Variants in NUDCD3 observed in about 807,000 individuals in gnomAD.
NUDCD3 encodes NudC domain containing 3, also known as nudC domain-containing protein 3.
In NUDCD3, 13 loss-of-function variants were observed where a neutral mutation model predicts 39.7. That is an observed-to-expected ratio of 0.33 (90% CI 0.21 to 0.52). NUDCD3 has a LOEUF of 0.52. NUDCD3 is among the 20% of genes least tolerant of loss of function. The pLI is 0.96. For synonymous variants in NUDCD3, 175 were observed against 172.4 expected, an observed-to-expected ratio of 1.02 and a Z score of -0.12; for missense variants, 453 against 458.1, an observed-to-expected ratio of 0.99 and a Z score of 0.10.
intron 2 of NUDCD3, among the ~76,000 whole-genome samples, chr7:44,452,311 G>A (rs562048923): frequency 3.3e-5 from 5 of 152,362 alleles, no homozygotes; most frequent in South Asian, 2.1e-4. Context: ...GGATGGGGGC[G>A]CACGCCCCCA....
chr7:44,385,358 C>G lies in NUDCD3; in HGVS notation c.*653G>C, dbSNP rs1187287523. ...TCCCCGCTGCATCTGGACCTGAGCC[C>G]AGAACCTAGGCTTTCTCCGAACAAC... On this transcript the variant is annotated 3_prime_UTR_variant, in exon 6 of 6. Coordinates refer to ENST00000355451, the MANE Select transcript of NUDCD3 (RefSeq NM_015332.4). 1 of 152,350 alleles carries G rather than the reference C, an allele frequency of 6.6e-6. No individual in the cohort carries two copies. Among genetic ancestry groups the G allele is most frequent in the African/African-American group, 2.4e-5 (1 of 41,432 alleles). The allele number at this position is 152,350 out of a possible 1,614,324, so 9.4% of individuals were successfully genotyped here.
At chr7:44,420,633 A>G (rs1799119389) in intron 3 of NUDCD3, among the ~76,000 whole-genome samples, 1 of 152,246 alleles carries the variant, frequency 6.6e-6, no homozygotes, top group Admixed American at 6.5e-5. Flanking sequence ...GGAAGCCCAC[A>G]GACTAACAGC....
intron 1 of NUDCD3, among the ~76,000 whole-genome samples, chr7:44,487,132 T>C (rs577422729): frequency 6.6e-6 from 1 of 152,290 alleles, no homozygotes; most frequent in South Asian, 2.1e-4. Flanking sequence ...GGCTTGTCAG[T>C]CTAAACGATT....
chr7:44,483,509 A>G (rs983694030), intron 2 of NUDCD3, among the ~76,000 whole-genome samples: 1 of 151,772 alleles, frequency 6.6e-6, no homozygotes, highest in Non-Finnish European at 1.5e-5. Context: ...TCCACCCTAT[A>G]CTCCCCACTT....
intron 2 of NUDCD3, among the ~76,000 whole-genome samples, chr7:44,431,662 T>C (rs951900912): frequency 9.7e-5 from 14 of 143,782 alleles, no homozygotes; most frequent in Non-Finnish European, 1.5e-4. Context: ...AGGTCCTCTC[T>C]CCTTCCTTTT....
Position 44,415,243 on chromosome 7 carries a change from G to A in NUDCD3, c.643-10660C>T, listed in dbSNP as rs562229320. Among the ~76,000 whole-genome samples, 5 of 152,252 alleles carry A rather than the reference G, an allele frequency of 3.3e-5. No individual in the cohort carries two copies. In the South Asian group the frequency reaches 1.0e-3, roughly 32 times the overall value. On this transcript the variant is annotated intron_variant, in intron 3 of 5. Coordinates refer to ENST00000355451, the MANE Select transcript of NUDCD3 (RefSeq NM_015332.4). Reference sequence around the variant, plus strand: ...AATTCTGTGATTCAATGAAATGCCAGGTTTATAATCACCCAGGTCTGACAT... The same window carrying A: ...AATTCTGTGATTCAATGAAATGCCAAGTTTATAATCACCCAGGTCTGACAT...
At chr7:44,399,156 C>T (rs1285004088) in intron 4 of NUDCD3, among the ~76,000 whole-genome samples, 2 of 152,220 alleles carry the variant, frequency 1.3e-5, no homozygotes, top group African/African-American at 4.8e-5. Context: ...GCACCCTGTC[C>T]ATGGTGCCAC....
intron 2 of NUDCD3, among the ~76,000 whole-genome samples, chr7:44,451,497 A>G (rs1308767405): frequency 6.6e-6 from 1 of 152,202 alleles, no homozygotes; most frequent in East Asian, 1.9e-4. Flanking sequence ...TTTTATATGT[A>G]TTGTACTGCA....
intron 2 of NUDCD3, among the ~76,000 whole-genome samples, chr7:44,471,421 G>A (rs905586335): frequency 1.3e-5 from 2 of 152,114 alleles, no homozygotes; most frequent in African/African-American, 4.8e-5. Context: ...ATGTGGAACC[G>A]AAGGATACAG....
At chr7:44,434,408 G>C (rs936125529) in intron 2 of NUDCD3, among the ~76,000 whole-genome samples, 7 of 152,148 alleles carry the variant, frequency 4.6e-5, no homozygotes, top group African/African-American at 1.4e-4. Context: ...CAGCCTTCCT[G>C]CAACTCTTGC....
intron 2 of NUDCD3, among the ~76,000 whole-genome samples, chr7:44,479,404 G>A (rs1800443185): frequency 6.6e-6 from 1 of 152,076 alleles, no homozygotes; most frequent in Non-Finnish European, 1.5e-5. Flanking sequence ...CATATATAGA[G>A]GCAGGAGGAG....
chr7:44,379,128 A>T lies in NUDCD3; in HGVS notation c.*6883T>A, dbSNP rs574257579. 12 of 152,310 alleles carry T rather than the reference A, an allele frequency of 7.9e-5. No homozygotes were observed. In the East Asian group the frequency reaches 2.3e-3, roughly 29 times the overall value. The allele number at this position is 152,310 out of a possible 1,614,324, so 9.4% of individuals were successfully genotyped here. ...AAGCAACTCACAAAGATACTGATTTATACGGTTTACAAATACACGTACAGT... is the reference window on the plus strand; with the variant it reads ...AAGCAACTCACAAAGATACTGATTTTTACGGTTTACAAATACACGTACAGT... On this transcript the variant is annotated 3_prime_UTR_variant, in exon 6 of 6. Transcript: ENST00000355451.
rs1798287257 is a variant in NUDCD3, at chr7:44,380,467, C to G, written c.*5544G>C. ...GGTCACTCAGGGGTGCTGGAATCTT[C>G]CCCACCTTAAGGCTTAGCTCCAGTC... is the stretch of plus-strand genomic sequence containing the variant. On this transcript the variant is annotated 3_prime_UTR_variant, in exon 6 of 6. Transcript: ENST00000355451. The G allele has an allele frequency of 6.6e-6, 1 of 152,244 alleles. No homozygotes were observed. The highest frequency in any genetic ancestry group is 1.5e-5 in the Non-Finnish European group (1 of 68,062). 9.4% of individuals were successfully genotyped at this position (152,244 alleles called of 1,614,324 possible). A position where few individuals can be genotyped will look rare whatever the true frequency, so the allele number is the denominator to read the frequency against.
chr7:44,381,682 C>G lies in NUDCD3; in HGVS notation c.*4329G>C, dbSNP rs541318863. 2 of 152,280 alleles carry G rather than the reference C, an allele frequency of 1.3e-5. No individual in the cohort carries two copies. The highest frequency in any genetic ancestry group is 3.2e-3 in the Middle Eastern group (1 of 316). The allele number at this position is 152,280 out of a possible 1,614,324, so 9.4% of individuals were successfully genotyped here. ...AGCTTTCCTGCAAGTGTTTCCTAAG[C>G]TGTCCTTCTCCAGGGAGAATAGCCT... On this transcript the variant is annotated 3_prime_UTR_variant, in exon 6 of 6. Coordinates refer to ENST00000355451, the MANE Select transcript of NUDCD3 (RefSeq NM_015332.4).
chr7:44,438,794 C>T (rs1328597139), intron 2 of NUDCD3, among the ~76,000 whole-genome samples: 1 of 152,206 alleles, frequency 6.6e-6, no homozygotes, highest in African/African-American at 2.4e-5. Context: ...GCAAGATACA[C>T]TGCCAGAAAA....
At chr7:44,408,594 C>T (rs1172696415) in intron 3 of NUDCD3, among the ~76,000 whole-genome samples, 7 of 152,134 alleles carry the variant, frequency 4.6e-5, no homozygotes, top group Non-Finnish European at 8.8e-5. Context: ...CTACAGGCCT[C>T]CAAAAAGCTC....
At chr7:44,468,271 C>T in intron 2 of NUDCD3, 1 of 1,586,678 alleles carries the variant, frequency 6.3e-7, no homozygotes, top group Non-Finnish European at 8.5e-7. Context: ...TCACCAACCC[C>T]AATGCCAGGC....
chr7:44,457,784 CAAT>C (rs1370906475), intron 2 of NUDCD3, among the ~76,000 whole-genome samples: 1 of 152,084 alleles, frequency 6.6e-6, no homozygotes, highest in African/African-American at 2.4e-5. Context: ...ATGGAAACTA[CAAT>C]GAGATCCCAC....
intron 2 of NUDCD3, among the ~76,000 whole-genome samples, chr7:44,472,510 A>G (rs1418332764): frequency 6.6e-6 from 1 of 152,246 alleles, no homozygotes; most frequent in South Asian, 2.1e-4. Context: ...TGTATTCTCA[A>G]TGAATATTTC....
Sources: gnomAD v4.1 joint callset for allele counts (sites outside exome capture counted in the v4.1 genomes callset) on GRCh38, gnomAD v4.1.1 for gene constraint, MANE v1.5 for transcripts, NCBI Gene and HGNC (gene_info 2026-07-23, HGNC 2026-07-21) for gene names.